ARMH3: variants seen among roughly 807,000 people sequenced by gnomAD.
ARMH3 encodes the protein armadillo like helical domain containing 3, also known as armadillo-like helical domain-containing protein 3.
In ARMH3, 60 loss-of-function variants were observed where a neutral mutation model predicts 99.1. That is an observed-to-expected ratio of 0.61 (90% CI 0.49 to 0.75). The LOEUF (loss-of-function observed/expected upper bound fraction) is 0.75. Among genes scored for constraint, ARMH3 ranks in the 30% least tolerant of loss-of-function variants. The pLI, the probability that ARMH3 is intolerant of heterozygous loss-of-function variation, is 0.00. For missense variants in ARMH3, 679 were observed against 843.1 expected, an observed-to-expected ratio of 0.81 and a Z score of 2.41; for synonymous variants, 285 against 292.8, an observed-to-expected ratio of 0.97 and a Z score of 0.27.
intron 23 of ARMH3, among the ~76,000 whole-genome samples, chr10:101,921,973 T>C (rs906679976): frequency 1.3e-5 from 2 of 152,142 alleles, no homozygotes; most frequent in Non-Finnish European, 2.9e-5. Flanking sequence ...TTAAAATAGC[T>C]AGAAGAGAGG....
rs1846546132 is a variant in ARMH3 at position 101,987,097 on chromosome 10, C to CT, written c.1406+3453dup. On this transcript the variant is annotated intron_variant, in intron 19 of 25. Coordinates refer to ENST00000370033, the MANE Select transcript of ARMH3 (RefSeq NM_024541.3). The stretch of plus-strand genomic sequence containing the variant: ...GGGTAAACAGATAATATACCTGTAA[C>CT]TTTACAGTAATGAACATACAATCTT... Among the ~76,000 whole-genome samples the CT allele has an allele frequency of 2.6e-5, 4 of 152,280 alleles. No homozygotes were observed. The South Asian group carries it at 8.3e-4, about 32-fold the overall frequency.
At chr10:102,046,353 G>A (rs1227251778) in intron 1 of ARMH3, among the ~76,000 whole-genome samples, 2 of 148,652 alleles carry the variant, frequency 1.3e-5, no homozygotes, top group African/African-American at 2.4e-5. Flanking sequence ...AAAAAAAAAA[G>A]AAAAAGAAAA....
chr10:102,040,294 T>C (rs1167698462), intron 1 of ARMH3, among the ~76,000 whole-genome samples, 169 bp from the exon 2 acceptor site: 2 of 152,188 alleles, frequency 1.3e-5, no homozygotes, highest in Non-Finnish European at 2.9e-5. Flanking sequence ...TGTAAGTTCA[T>C]CATTTATAAC....
chr10:102,011,546 A>G (rs1412557819), intron 11 of ARMH3, among the ~76,000 whole-genome samples, 177 bp downstream of exon 11: 3 of 152,094 alleles, frequency 2.0e-5, no homozygotes, highest in African/African-American at 7.2e-5. Context: ...ATTCAAAAAA[A>G]AAAGAAAGAA....
At chr10:101,964,654 G>A (rs942701717) in intron 20 of ARMH3, among the ~76,000 whole-genome samples, 3 of 152,166 alleles carry the variant, frequency 2.0e-5, no homozygotes, top group African/African-American at 7.2e-5. Flanking sequence ...CCACTTAAAT[G>A]AAATACCCAG....
chr10:101,914,864 CAAAAA>C (rs373264871), intron 23 of ARMH3, among the ~76,000 whole-genome samples: 10 of 66,602 alleles, frequency 1.5e-4, no homozygotes, highest in African/African-American at 2.6e-4. Context: ...AAATCCATCT[CAAAAA>C]AAAAAAAAAA....
At chr10:102,007,898 A>G (rs1590174769) in intron 13 of ARMH3, among the ~76,000 whole-genome samples, 1 of 151,718 alleles carries the variant, frequency 6.6e-6, no homozygotes, top group East Asian at 1.9e-4. Flanking sequence ...GTTCCACAAC[A>G]AACAAAAGTG....
chr10:101,997,827 A>C (rs1847131245), intron 15 of ARMH3, among the ~76,000 whole-genome samples: 1 of 152,200 alleles, frequency 6.6e-6, no homozygotes, highest in South Asian at 2.1e-4. Context: ...TAAATATATA[A>C]GAAAAAGGAA....
intron 4 of ARMH3, among the ~76,000 whole-genome samples, chr10:102,032,479 C>A (rs972629369): frequency 6.6e-6 from 1 of 152,196 alleles, no homozygotes; most frequent in East Asian, 1.9e-4. Flanking sequence ...CGGCTCACTG[C>A]AACCTCCGCC....
Position 102,024,410 on chromosome 10 carries a change from T to C in ARMH3, c.508-661A>G, listed in dbSNP as rs147425735. Among the ~76,000 whole-genome samples the C allele has an allele frequency of 8.9e-4, 135 of 151,616 alleles. 1 individual carries two copies. Among genetic ancestry groups the C allele is most frequent in the Non-Finnish European group, 1.5e-3 (100 of 67,906 alleles). The stretch of plus-strand genomic sequence containing the variant: ...GTTGCAGTGAGCCAGGATCATGCCA[T>C]TGCACTCTCCAGCCTAGGCGACAGA... On this transcript the variant is annotated intron_variant, in intron 6 of 25. Coordinates refer to ENST00000370033, the MANE Select transcript of ARMH3 (RefSeq NM_024541.3).
chr10:102,006,464 G>C, intron 14 of ARMH3, 76 bp downstream of exon 14: 1 of 1,498,906 alleles, frequency 6.7e-7, no homozygotes. Context: ...TAGGTTCTTT[G>C]TTGAACACAG....
chr10:101,897,721 T>C (rs767683401), intron 23 of ARMH3, among the ~76,000 whole-genome samples: 11 of 152,252 alleles, frequency 7.2e-5, no homozygotes, highest in Non-Finnish European at 1.6e-4. Flanking sequence ...GACAACATCA[T>C]AGTAAAGAGA....
At chr10:102,021,299 C>T (rs183883722) in intron 8 of ARMH3, among the ~76,000 whole-genome samples, 4 of 152,002 alleles carry the variant, frequency 2.6e-5, no homozygotes, top group East Asian at 1.9e-4. Context: ...AGGCTGGTCT[C>T]GAACTCCTGG....
intron 1 of ARMH3, among the ~76,000 whole-genome samples, chr10:102,055,753 G>GC (rs2067832007): frequency 6.6e-6 from 1 of 152,224 alleles, no homozygotes; most frequent in African/African-American, 2.4e-5. Context: ...TCTCGGGGCA[G>GC]CTGGCGGGGT....
chr10:101,877,642 T>A (rs1433199723), intron 24 of ARMH3, among the ~76,000 whole-genome samples: 2 of 150,094 alleles, frequency 1.3e-5, no homozygotes, highest in East Asian at 4.0e-4. Flanking sequence ...GGTGACAGAG[T>A]GAGACTTTGT....
intron 1 of ARMH3, among the ~76,000 whole-genome samples, chr10:102,053,660 A>T (rs1011608325): frequency 9.8e-5 from 14 of 143,180 alleles, no homozygotes; most frequent in East Asian, 8.1e-4. Context: ...CACTGTATAA[A>T]TTTTTTTTTT....
At chr10:101,990,646 C>T (rs1276335156) in intron 18 of ARMH3, 35 bp from the exon 19 acceptor site, 1 of 1,514,726 alleles carries the variant, frequency 6.6e-7, no homozygotes, top group Middle Eastern at 1.7e-4. Context: ...GGATCAATTA[C>T]AATGGAATTC....
intron 20 of ARMH3, among the ~76,000 whole-genome samples, chr10:101,971,892 C>G (rs1213790651): frequency 6.6e-6 from 1 of 152,216 alleles, no homozygotes; most frequent in Non-Finnish European, 1.5e-5. Flanking sequence ...GTTGCCTAGA[C>G]ATCAGAGAAG....
intron 24 of ARMH3, among the ~76,000 whole-genome samples, chr10:101,851,923 A>G (rs1252345146): frequency 6.6e-6 from 1 of 152,100 alleles, no homozygotes; most frequent in African/African-American, 2.4e-5. Flanking sequence ...GTCACCCACA[A>G]AGTAATCTGG....
Sources: gnomAD v4.1 joint callset for allele counts (sites outside exome capture counted in the v4.1 genomes callset) on GRCh38, gnomAD v4.1.1 for gene constraint, MANE v1.5 for transcripts, NCBI Gene and HGNC (gene_info 2026-07-23, HGNC 2026-07-21) for gene names.